The following TBC1D32 variants were observed in gnomAD, a reference collection of about 807,000 sequenced individuals.
TBC1D32 encodes protein broad-minded.
A neutral mutation model predicts 170.3 loss-of-function variants in TBC1D32; 151 were observed. That is an observed-to-expected ratio of 0.89 (90% confidence interval 0.78 to 1.01). The LOEUF is 1.01. TBC1D32 is among the 50% of genes least tolerant of loss of function. The pLI, the probability that TBC1D32 is intolerant of heterozygous loss-of-function variation, is 0.00. For missense variants in TBC1D32, 1,464 were observed against 1,457.1 expected (o/e 1.00, Z -0.08); for synonymous variants, 498 against 488.0 (o/e 1.02, Z -0.27).
intron 24 of TBC1D32, among the ~76,000 whole-genome samples, chr6:121,149,870 T>G (rs1047590358): frequency 6.6e-6 from 1 of 152,230 alleles, no homozygotes. Flanking sequence ...TTCATGATAT[T>G]GATTATTCCT....
chr6:121,157,699 G>T (rs538907876), intron 24 of TBC1D32, among the ~76,000 whole-genome samples: 2 of 152,188 alleles, frequency 1.3e-5, no homozygotes, highest in South Asian at 4.1e-4. Flanking sequence ...GGCTGGTCTG[G>T]TAGTAATGAA....
chr6:121,207,818 T>C (rs1446887500), intron 21 of TBC1D32, among the ~76,000 whole-genome samples: 1 of 152,186 alleles, frequency 6.6e-6, no homozygotes. Context: ...TATAAAGATA[T>C]GTTTGAGTGC....
At chr6:121,104,861 A>T (rs1462772973) in intron 30 of TBC1D32, among the ~76,000 whole-genome samples, 1 of 151,792 alleles carries the variant, frequency 6.6e-6, no homozygotes, top group East Asian at 1.9e-4. Context: ...ATTTAACATA[A>T]TAGCAATCTA....
At chr6:121,082,089 ACTT>A (rs1775701324) in intron 31 of TBC1D32, among the ~76,000 whole-genome samples, 1 of 152,018 alleles carries the variant, frequency 6.6e-6, no homozygotes, top group African/African-American at 2.4e-5. Context: ...TCCTTCTTTC[ACTT>A]CTTCACTCAT....
chr6:121,184,676 T>C (rs1020215470), intron 22 of TBC1D32, among the ~76,000 whole-genome samples: 1 of 151,936 alleles, frequency 6.6e-6, no homozygotes, highest in African/African-American at 2.4e-5. Flanking sequence ...ATGGTTTCAA[T>C]GACAGATTGG....
At chr6:121,190,355 CCT>C (rs565677310) in intron 22 of TBC1D32, among the ~76,000 whole-genome samples, 10 of 147,268 alleles carry the variant, frequency 6.8e-5, no homozygotes, top group African/African-American at 1.5e-4. Flanking sequence ...ACCGTTCTTC[CCT>C]CTGTCTTCCT....
At chr6:121,114,048 C>A (rs528991048) in intron 27 of TBC1D32, among the ~76,000 whole-genome samples, 1 of 152,232 alleles carries the variant, frequency 6.6e-6, no homozygotes, top group African/African-American at 2.4e-5. Context: ...GTGGCATGCA[C>A]CTGTAATCCC....
At chr6:121,123,301 T>C (rs1489481632) in intron 26 of TBC1D32, among the ~76,000 whole-genome samples, 1 of 152,106 alleles carries the variant, frequency 6.6e-6, no homozygotes, top group Non-Finnish European at 1.5e-5. Context: ...TTCTACAGTT[T>C]TTCCCTGGAT....
intron 15 of TBC1D32, among the ~76,000 whole-genome samples, chr6:121,263,017 T>C (rs1256872957): frequency 6.6e-6 from 1 of 151,948 alleles, no homozygotes; most frequent in Non-Finnish European, 1.5e-5. Flanking sequence ...AGAAACTGGA[T>C]TAACTAGTGT....
intron 24 of TBC1D32, among the ~76,000 whole-genome samples, chr6:121,143,642 A>G (rs1227016217): frequency 2.6e-5 from 4 of 152,236 alleles, no homozygotes; most frequent in South Asian, 2.1e-4. Flanking sequence ...GAATCATTAC[A>G]TGTGAATCAC....
intron 1 of TBC1D32, among the ~76,000 whole-genome samples, chr6:121,326,433 G>A (rs1490061827): frequency 6.6e-6 from 1 of 152,056 alleles, no homozygotes; most frequent in African/African-American, 2.4e-5. Flanking sequence ...CGCTATACAT[G>A]TATGGAAACA....
At chr6:121,288,180 C>CA (rs1474929738) in intron 12 of TBC1D32, among the ~76,000 whole-genome samples, 5 of 152,026 alleles carry the variant, frequency 3.3e-5, no homozygotes, top group African/African-American at 9.7e-5. Context: ...AATAAAGACA[C>CA]AAAAAACTCT....
intron 1 of TBC1D32, among the ~76,000 whole-genome samples, chr6:121,328,074 A>C (rs1007575680): frequency 1.2e-4 from 19 of 152,314 alleles, no homozygotes; most frequent in African/African-American, 4.3e-4. Context: ...ATCCTTTCAG[A>C]TCTTTAAGCA....
At chr6:121,123,203 G>A (rs890418280) in intron 26 of TBC1D32, among the ~76,000 whole-genome samples, 1 of 152,072 alleles carries the variant, frequency 6.6e-6, no homozygotes. Context: ...GTTGAGGTAT[G>A]TTCCTTCTAT....
intron 21 of TBC1D32, among the ~76,000 whole-genome samples, chr6:121,208,796 G>T (rs1476149041): frequency 6.6e-6 from 1 of 150,516 alleles, no homozygotes. Context: ...GAGGAAGCAT[G>T]GCCCTGCTGG....
chr6:121,148,310 T>A (rs1783741902), intron 24 of TBC1D32, among the ~76,000 whole-genome samples: 1 of 152,136 alleles, frequency 6.6e-6, no homozygotes, highest in South Asian at 2.1e-4. Context: ...GAAAAGGACA[T>A]GAACTAATTT....
Position 121,334,283 on chromosome 6 carries a change from A to C in TBC1D32, c.148T>G (p.Phe50Val). Reference protein sequence around the residue: ...LLHLEETDENFHNYEFVKYLR... With the variant: ...LLHLEETDENVHNYEFVKYLR... ...CATCAAAAGCAATTTTACTTGTGAA[A>C]ATTTTCATCAGTTTCCTCCAGATGT... is the stretch of plus-strand genomic sequence containing the variant. Residue 50 changes from phenylalanine to valine, a missense_variant, in exon 1 of 32, where the codon TTT (phenylalanine) becomes GTT (valine). Around this residue, in one of 3 missense-constraint regions of TBC1D32, gnomAD observed 1,363 missense variants for 1,338.1 expected, o/e 1.02. Transcript: ENST00000398212. 1.9e-6 allele frequency: 3 copies of C among 1,613,928 alleles called. No individual in the cohort carries two copies. Among genetic ancestry groups the C allele is most frequent in the Non-Finnish European group, 2.5e-6 (3 of 1,179,914 alleles).
At chr6:121,265,950 A>G in intron 15 of TBC1D32, among the ~76,000 whole-genome samples, 1 of 152,186 alleles carries the variant, frequency 6.6e-6, no homozygotes, top group Non-Finnish European at 1.5e-5. Flanking sequence ...CTTGAATGCA[A>G]AACTCAAAAC....
At chr6:121,325,040 G>T (rs111341942) in intron 1 of TBC1D32, among the ~76,000 whole-genome samples, 6,550 of 151,910 alleles carry the variant, frequency 0.043, 290 homozygotes, top group East Asian at 0.12. Context: ...TGAAACCCCA[G>T]CTCTACTAAA....
Sources: allele counts gnomAD v4.1 joint callset (sites outside exome capture counted in the v4.1 genomes callset), GRCh38; gene constraint gnomAD v4.1.1; regional missense constraint gnomAD v4.1.1; transcripts MANE v1.5; gene names NCBI Gene and HGNC (gene_info 2026-07-23, HGNC 2026-07-21).